Variants in PDS5A observed in about 807,000 individuals in gnomAD.
PDS5A encodes the protein sister chromatid cohesion protein PDS5 homolog A.
In PDS5A, 42 loss-of-function variants were observed where a neutral mutation model predicts 167.1. The observed-to-expected ratio is 0.25, with a 90% CI of 0.20 to 0.33. The LOEUF is 0.33. PDS5A is among the 10% of genes least tolerant of loss of function. The probability of loss-of-function intolerance (pLI) is 1.00; values close to 1 mark genes in which losing one functional copy is unlikely to be tolerated. For missense variants in PDS5A, 1,033 were observed against 1,605.9 expected, an observed-to-expected ratio of 0.64 and a Z score of 6.10; for synonymous variants, 553 against 554.6, an observed-to-expected ratio of 1.00 and a Z score of 0.04.
Position 39,910,275 on chromosome 4 carries a change from C to G in PDS5A, c.1056G>C (p.Met352Ile). Residue 352 changes from methionine to isoleucine, a missense_variant, in exon 10 of 33, where the codon ATG (methionine) becomes ATC (isoleucine). This residue lies in a region of PDS5A where 388 missense variants were observed against 615.1 expected (regional missense o/e 0.63). Coordinates refer to ENST00000303538, the MANE Select transcript of PDS5A (RefSeq NM_001100399.2). ...ESVKFASHCL[M>I]NHPDLAKDLT... Reference sequence around the variant, plus strand: ...GATCCTTCGCTAAATCTGGGTGATTCATTAAACAATGACTGGCAAATTTCA... The same window carrying G: ...GATCCTTCGCTAAATCTGGGTGATTGATTAAACAATGACTGGCAAATTTCA... The G allele has an allele frequency of 6.3e-7, 1 of 1,587,296 alleles. No individual in the cohort carries two copies. Among genetic ancestry groups the G allele is most frequent in the South Asian group, 1.1e-5 (1 of 88,210 alleles).
chr4:39,882,807 T>A (rs923970846), intron 17 of PDS5A, among the ~76,000 whole-genome samples: 17 of 152,272 alleles, frequency 1.1e-4, no homozygotes, highest in African/African-American at 4.1e-4. Flanking sequence ...CTTTTATAAA[T>A]TAAATAAATA....
At chr4:39,843,536 A>G (rs1717256078) in intron 30 of PDS5A, among the ~76,000 whole-genome samples, 1 of 151,332 alleles carries the variant, frequency 6.6e-6, no homozygotes, top group South Asian at 2.1e-4. Flanking sequence ...TCATGGTGAC[A>G]CCCTGTCTCT....
intron 29 of PDS5A, 55 bp from the exon 30 acceptor site, chr4:39,844,856 G>T (rs1356225933): frequency 1.3e-6 from 2 of 1,502,228 alleles, no homozygotes; most frequent in East Asian, 2.3e-5. Flanking sequence ...ACCTTACCAT[G>T]TATACATGTA....
intron 9 of PDS5A, among the ~76,000 whole-genome samples, chr4:39,910,614 C>T (rs2109682052): frequency 6.6e-6 from 1 of 152,294 alleles, no homozygotes. Flanking sequence ...CCAAACTATA[C>T]ACTTTATGGA....
At chr4:39,914,307 G>T (rs375003089) in intron 8 of PDS5A, among the ~76,000 whole-genome samples, 6 of 151,714 alleles carry the variant, frequency 4.0e-5, no homozygotes, top group African/African-American at 1.5e-4. Flanking sequence ...GATTACAGGC[G>T]CCCACCACCG....
intron 30 of PDS5A, among the ~76,000 whole-genome samples, chr4:39,843,700 T>C (rs1386435766): frequency 1.3e-5 from 2 of 152,188 alleles, no homozygotes; most frequent in Non-Finnish European, 2.9e-5. Context: ...AGAGACACTC[T>C]GTCTCAAAAA....
chr4:39,863,733 TCTG>T (rs1719190586), intron 23 of PDS5A, among the ~76,000 whole-genome samples: 2 of 152,160 alleles, frequency 1.3e-5, no homozygotes, highest in African/African-American at 2.4e-5. Flanking sequence ...ACCCAAAAAC[TCTG>T]CTTATTCTTG....
At chr4:39,958,280 G>T (rs376185566) in intron 2 of PDS5A, among the ~76,000 whole-genome samples, 4 of 152,126 alleles carry the variant, frequency 2.6e-5, no homozygotes, top group African/African-American at 9.6e-5. Flanking sequence ...GTCGAAGCAG[G>T]AGGATCTCCT....
chr4:39,905,815 A>G (rs538935899), intron 11 of PDS5A, among the ~76,000 whole-genome samples: 146 of 152,132 alleles, frequency 9.6e-4, no homozygotes, highest in African/African-American at 3.4e-3. Flanking sequence ...GCAGGGAGAA[A>G]AGGAGGGAAG....
Position 39,873,085 on chromosome 4 carries a change from T to A in PDS5A, c.2337A>T (p.Ser779=). The change falls in exon 21 of 33, where the codon TCA becomes TCT. Residue 779 remains serine (S), a synonymous_variant. Coordinates refer to ENST00000303538, the MANE Select transcript of PDS5A (RefSeq NM_001100399.2). ...VPEQLITPLV[S]LGHISMLAPD... The stretch of plus-strand genomic sequence containing the variant: ...GTGCTAACATAGAAATGTGGCCCAA[T>A]GAAACTAATGGAGTTATAAGTTGTT... The A allele has an allele frequency of 6.4e-7, 1 of 1,551,462 alleles. No homozygotes were observed. Among genetic ancestry groups the A allele is most frequent in the Non-Finnish European group, 8.8e-7 (1 of 1,137,266 alleles).
In PDS5A at chr4:39,877,166, A is replaced by G; in HGVS notation, c.1993-13T>C. The G allele has an allele frequency of 6.6e-7, 1 of 1,522,278 alleles. No individual in the cohort carries two copies. Among genetic ancestry groups the G allele is most frequent in the Non-Finnish European group, 8.9e-7 (1 of 1,127,120 alleles). The allele number at this position is 1,522,278 out of a possible 1,614,324, so 94.3% of individuals were successfully genotyped here. A position where few individuals can be genotyped will look rare whatever the true frequency, so the allele number is the denominator to read the frequency against. Reference sequence around the variant, plus strand: ...TAAAAGACAGAACCTGAAAAAACAGATACAGCTTTAGAAGTACAGACAATG... The same window carrying G: ...TAAAAGACAGAACCTGAAAAAACAGGTACAGCTTTAGAAGTACAGACAATG... On this transcript the variant is annotated splice_polypyrimidine_tract_variant and intron_variant, in intron 18 of 32. Transcript: ENST00000303538.
chr4:39,957,024 T>G (rs1728987769), intron 2 of PDS5A, among the ~76,000 whole-genome samples: 1 of 152,198 alleles, frequency 6.6e-6, no homozygotes, highest in African/African-American at 2.4e-5. Flanking sequence ...TCTCTTTATC[T>G]ACACTGACTC....
At chr4:39,882,878 G>A (rs1721080408) in intron 17 of PDS5A, among the ~76,000 whole-genome samples, 1 of 152,072 alleles carries the variant, frequency 6.6e-6, no homozygotes, top group Non-Finnish European at 1.5e-5. Context: ...CTTCAAAACT[G>A]CTTGGGAAGT....
chr4:39,890,416 GA>G, intron 16 of PDS5A, 52 bp from the exon 17 acceptor site: 1 of 997,036 alleles, frequency 1.0e-6, no homozygotes, highest in Non-Finnish European at 1.5e-6. Flanking sequence ...TCATATTTTT[GA>G]AAAGAAAAAT....
intron 13 of PDS5A, among the ~76,000 whole-genome samples, chr4:39,901,266 CTTTTTTTTTTTT>C (rs772230554): frequency 8.2e-6 from 1 of 121,290 alleles, no homozygotes; most frequent in African/African-American, 3.2e-5. Context: ...TCTTTTCTTT[CTTTTTTTTTTTT>C]TTTTTTTTGA....
At chr4:39,855,787 C>T (rs1718478681) in intron 26 of PDS5A, among the ~76,000 whole-genome samples, 1 of 152,034 alleles carries the variant, frequency 6.6e-6, no homozygotes, top group Non-Finnish European at 1.5e-5. Flanking sequence ...TGAAAATACT[C>T]AGTCTGAACA....
intron 23 of PDS5A, among the ~76,000 whole-genome samples, chr4:39,864,191 TA>T (rs778858016): frequency 1.3e-4 from 20 of 148,946 alleles, no homozygotes; most frequent in South Asian, 2.1e-4. Context: ...CACAAAGAAT[TA>T]AAAAAAAAAT....
intron 2 of PDS5A, among the ~76,000 whole-genome samples, chr4:39,961,265 G>T (rs950431860): frequency 6.6e-6 from 1 of 151,990 alleles, no homozygotes; most frequent in Non-Finnish European, 1.5e-5. Flanking sequence ...CTGCACCAGG[G>T]AATTCAAGAA....
chr4:39,969,960 CT>C (rs10593975), intron 2 of PDS5A, among the ~76,000 whole-genome samples: 1,439 of 142,954 alleles, frequency 0.01, 9 homozygotes, highest in Middle Eastern at 0.014. Flanking sequence ...AATGTAGAAT[CT>C]TTTTTTTTTT....
Sources: allele counts gnomAD v4.1 joint callset (sites outside exome capture counted in the v4.1 genomes callset), GRCh38; gene constraint gnomAD v4.1.1; regional missense constraint gnomAD v4.1.1; transcripts MANE v1.5; gene names NCBI Gene and HGNC (gene_info 2026-07-23, HGNC 2026-07-21).